The following SPAG16 variants were observed in gnomAD, a reference collection of about 807,000 sequenced individuals.
SPAG16 encodes sperm associated antigen 16, also known as sperm-associated antigen 16 protein.
SPAG16 carries 86 observed loss-of-function variants against 80.4 expected under a neutral mutation model. That is an observed-to-expected ratio of 1.07 (90% CI 0.90 to 1.28). The LOEUF (loss-of-function observed/expected upper bound fraction) is 1.28. Among genes scored for constraint, SPAG16 ranks in the 50% most tolerant of loss-of-function variants. The pLI, the probability that SPAG16 is intolerant of heterozygous loss-of-function variation, is 0.00. For synonymous variants in SPAG16, 294 were observed against 265.9 expected, an observed-to-expected ratio of 1.11 and a Z score of -1.03; for missense variants, 870 against 765.3, an observed-to-expected ratio of 1.14 and a Z score of -1.61.
intron 15 of SPAG16, among the ~76,000 whole-genome samples, chr2:214,366,082 G>A (rs1287328148): frequency 2.6e-5 from 4 of 151,414 alleles, no homozygotes; most frequent in African/African-American, 9.7e-5. Flanking sequence ...AAATTCAAGT[G>A]ATTCTTCTGC....
intron 9 of SPAG16, among the ~76,000 whole-genome samples, chr2:213,433,915 C>CTTTTTT (rs33989475): frequency 2.5e-4 from 21 of 85,010 alleles, no homozygotes; most frequent in African/African-American, 8.1e-4. Context: ...TTTTCTTTGT[C>CTTTTTT]TTTTTTTTTT....
intron 15 of SPAG16, among the ~76,000 whole-genome samples, chr2:214,249,369 G>C (rs1347528570): frequency 6.6e-6 from 1 of 151,944 alleles, no homozygotes. Context: ...CATAAAAGTT[G>C]ACTGTTTACC....
chr2:213,582,576 A>T (rs1018893360), intron 10 of SPAG16, among the ~76,000 whole-genome samples: 1 of 152,172 alleles, frequency 6.6e-6, no homozygotes, highest in African/African-American at 2.4e-5. Flanking sequence ...GGAGTTTTTG[A>T]TATTCAGTTT....
At chr2:213,781,998 C>T (rs141469976) in intron 10 of SPAG16, among the ~76,000 whole-genome samples, 5 of 152,280 alleles carry the variant, frequency 3.3e-5, no homozygotes, top group African/African-American at 1.2e-4. Flanking sequence ...GTTTTCACCT[C>T]TTCAGAGGCT....
intron 10 of SPAG16, among the ~76,000 whole-genome samples, chr2:213,752,865 C>A (rs969111791): frequency 1.3e-5 from 2 of 152,162 alleles, no homozygotes; most frequent in Admixed American, 1.3e-4. Flanking sequence ...TATAGAGAGA[C>A]TCCAGTTCCC....
intron 13 of SPAG16, among the ~76,000 whole-genome samples, chr2:214,105,805 A>G (rs1278183819): frequency 1.3e-5 from 2 of 152,166 alleles, no homozygotes; most frequent in East Asian, 3.8e-4. Flanking sequence ...AGTAACCCTC[A>G]CATTCCCTAT....
intron 9 of SPAG16, among the ~76,000 whole-genome samples, chr2:213,383,667 T>C (rs1165541521): frequency 6.6e-6 from 1 of 152,206 alleles, no homozygotes; most frequent in South Asian, 2.1e-4. Flanking sequence ...CATCTGTAGA[T>C]AGTCAAAACA....
chr2:213,586,173 C>T (rs535139129), intron 10 of SPAG16, among the ~76,000 whole-genome samples: 2 of 152,222 alleles, frequency 1.3e-5, no homozygotes, highest in Admixed American at 1.3e-4. Context: ...AAAACATTAC[C>T]TTTTCAATCA....
At chr2:214,342,006 A>G (rs1697737201) in intron 15 of SPAG16, among the ~76,000 whole-genome samples, 1 of 152,070 alleles carries the variant, frequency 6.6e-6, no homozygotes, top group Non-Finnish European at 1.5e-5. Context: ...TTAGTTGGGG[A>G]TGTAATAAAG....
chr2:214,278,714 G>C (rs918920810), intron 15 of SPAG16, among the ~76,000 whole-genome samples: 2 of 152,102 alleles, frequency 1.3e-5, no homozygotes, highest in African/African-American at 2.4e-5. Flanking sequence ...TCCCTTTAAA[G>C]CTCCCATTTG....
rs115663291 is a variant in SPAG16 at position 214,385,945 on chromosome 2, T to C, written c.1721-24195T>C. Among the ~76,000 whole-genome samples the C allele has an allele frequency of 9.6e-3, 1,464 of 152,316 alleles. 17 individuals are homozygous for C. Among genetic ancestry groups the C allele is most frequent in the Non-Finnish European group, 0.014 (986 of 68,030 alleles). On this transcript the variant is annotated intron_variant, in intron 15 of 15. Transcript: ENST00000331683. ...AATCTGAAGTTCAACAATAAAGTCA[T>C]TGTATTGAATTTGCTGGTTTCCATT... is the stretch of plus-strand genomic sequence containing the variant.
chr2:214,307,035 G>A (rs1273326823), intron 15 of SPAG16, among the ~76,000 whole-genome samples: 1 of 151,952 alleles, frequency 6.6e-6, no homozygotes, highest in Non-Finnish European at 1.5e-5. Flanking sequence ...TGGTTAGTAG[G>A]TTATTTATTG....
chr2:213,690,966 G>A (rs1229967224), intron 10 of SPAG16, among the ~76,000 whole-genome samples: 3 of 151,972 alleles, frequency 2.0e-5, no homozygotes, highest in Admixed American at 1.3e-4. Context: ...TATAGATATA[G>A]ATATATAGAT....
intron 10 of SPAG16, among the ~76,000 whole-genome samples, chr2:213,566,606 C>T (rs2059775576): frequency 6.6e-6 from 1 of 152,068 alleles, no homozygotes. Flanking sequence ...GAATAATGAC[C>T]TAAGCTCACT....
chr2:214,013,376 T>G (rs1021846331), intron 12 of SPAG16, among the ~76,000 whole-genome samples: 3 of 152,076 alleles, frequency 2.0e-5, no homozygotes, highest in African/African-American at 7.2e-5. Context: ...TGTTTTGTAA[T>G]ATACAATATT....
intron 11 of SPAG16, among the ~76,000 whole-genome samples, chr2:213,875,835 C>T (rs918550795): frequency 1.3e-5 from 2 of 152,074 alleles, no homozygotes; most frequent in South Asian, 2.1e-4. Flanking sequence ...TTTATTACGG[C>T]TGTAAATTCA....
rs573911489 is a variant in SPAG16, at chr2:213,630,268, G to A, written c.1070+140178G>A. 1.8e-4 allele frequency among the ~76,000 whole-genome samples: 28 copies of A among 151,904 alleles called. 1 individual carries two copies. The highest frequency in any genetic ancestry group is 2.1e-4 in the South Asian group (1 of 4,812). On this transcript the variant is annotated intron_variant, in intron 10 of 15. Coordinates refer to ENST00000331683, the MANE Select transcript of SPAG16 (RefSeq NM_024532.5). Reference sequence around the variant, plus strand: ...GCATGGTGGCAGATGCCTGCAATCCGAGCTACTCGGGAGGCTGAGGCAGGA... The same window carrying A: ...GCATGGTGGCAGATGCCTGCAATCCAAGCTACTCGGGAGGCTGAGGCAGGA...
chr2:213,712,536 C>T (rs2066046344), intron 10 of SPAG16, among the ~76,000 whole-genome samples: 1 of 152,144 alleles, frequency 6.6e-6, no homozygotes, highest in Admixed American at 6.5e-5. Context: ...CTGGCAGTAT[C>T]ACACCCTCTA....
intron 14 of SPAG16, among the ~76,000 whole-genome samples, chr2:214,132,121 A>C (rs2054812236): frequency 6.6e-6 from 1 of 152,208 alleles, no homozygotes. Context: ...TAAAGACTTT[A>C]AAAATAATCA....
Sources: gnomAD v4.1 joint callset for allele counts (sites outside exome capture counted in the v4.1 genomes callset) on GRCh38, gnomAD v4.1.1 for gene constraint, MANE v1.5 for transcripts, NCBI Gene and HGNC (gene_info 2026-07-23, HGNC 2026-07-21) for gene names.